Variants in PRKN observed in about 807,000 individuals in gnomAD.
PRKN encodes the protein E3 ubiquitin-protein ligase parkin.
In PRKN, 56 loss-of-function variants were observed where a neutral mutation model predicts 59.5. The observed-to-expected ratio is 0.94, with a 90% CI of 0.76 to 1.18. PRKN has a LOEUF of 1.18. Among genes scored for constraint, PRKN ranks in the 50% most tolerant of loss-of-function variants. PRKN has a pLI of 0.00. For synonymous variants in PRKN, 250 were observed against 222.1 expected, an observed-to-expected ratio of 1.13 and a Z score of -1.12; for missense variants, 657 against 596.4, an observed-to-expected ratio of 1.10 and a Z score of -1.06.
Position 162,235,958 on chromosome 6 carries a change from G to GAAAGAGA in PRKN, c.412+26566_412+26567insTCTCTTT, listed in dbSNP as rs1562602229. The stretch of plus-strand genomic sequence containing the variant: ...GGAAGGAAGGAAGGAAGGAAGAAAG[G>GAAAGAGA]AAGAAAGAAAGAAAGAAAGAAAGAA... On this transcript the variant is annotated intron_variant, in intron 3 of 11. Transcript: ENST00000366898. Among the ~76,000 whole-genome samples the GAAAGAGA allele has an allele frequency of 1.2e-4, 11 of 92,678 alleles. 1 individual carries two copies. Among genetic ancestry groups the GAAAGAGA allele is most frequent in the African/African-American group, 4.0e-4 (10 of 25,010 alleles). 60.8% of individuals were successfully genotyped at this position (92,678 alleles called of 152,430 possible).
intron 3 of PRKN, among the ~76,000 whole-genome samples, chr6:162,205,774 T>C (rs576418128): frequency 2.0e-5 from 3 of 152,210 alleles, no homozygotes; most frequent in Admixed American, 2.0e-4. Flanking sequence ...ACATAGCATA[T>C]GTAGCCATTA....
chr6:162,449,371 C>T (rs1458958283), intron 1 of PRKN, among the ~76,000 whole-genome samples: 2 of 152,280 alleles, frequency 1.3e-5, no homozygotes, highest in East Asian at 3.9e-4. Context: ...ATCTCATCTA[C>T]AGCAATCTAT....
intron 2 of PRKN, among the ~76,000 whole-genome samples, chr6:162,288,328 T>G (rs1338909487): frequency 6.6e-6 from 1 of 152,162 alleles, no homozygotes; most frequent in Admixed American, 6.5e-5. Context: ...TGTATCTGCC[T>G]TCTATGAGCA....
At chr6:162,547,547 T>A (rs879603437) in intron 1 of PRKN, among the ~76,000 whole-genome samples, 4 of 148,404 alleles carry the variant, frequency 2.7e-5, no homozygotes, top group African/African-American at 4.9e-5. Context: ...CCAGATAAAT[T>A]AAGCAGCGCT....
chr6:162,095,775 G>T (rs756781596), intron 4 of PRKN, among the ~76,000 whole-genome samples: 1 of 152,260 alleles, frequency 6.6e-6, no homozygotes, highest in Middle Eastern at 3.4e-3. Context: ...GAGGTGGACA[G>T]GTGTGTGTCT....
intron 3 of PRKN, among the ~76,000 whole-genome samples, chr6:162,221,721 C>T (rs955379518): frequency 2.6e-5 from 4 of 151,994 alleles, no homozygotes; most frequent in African/African-American, 4.8e-5. Context: ...CTAGTGGGCA[C>T]AAGAGAGGAG....
chr6:162,724,124 T>C (rs1357881932), intron 1 of PRKN, among the ~76,000 whole-genome samples: 1 of 152,208 alleles, frequency 6.6e-6, no homozygotes, highest in Non-Finnish European at 1.5e-5. Context: ...TAACATTCCA[T>C]TTTAAACACA....
chr6:161,715,069 A>T (rs554551292), intron 7 of PRKN, among the ~76,000 whole-genome samples: 2 of 152,342 alleles, frequency 1.3e-5, no homozygotes, highest in South Asian at 4.1e-4. Context: ...AGGCAGCTGC[A>T]TGCCAAAGAC....
At chr6:161,351,630 A>G (rs780872277) in intron 11 of PRKN, among the ~76,000 whole-genome samples, 13 of 152,126 alleles carry the variant, frequency 8.5e-5, no homozygotes, top group Non-Finnish European at 1.5e-4. Flanking sequence ...CAGCCAGCAT[A>G]TTATTTTTAA....
At chr6:161,906,749 A>T (rs528589761) in intron 6 of PRKN, among the ~76,000 whole-genome samples, 1 of 151,212 alleles carries the variant, frequency 6.6e-6, no homozygotes, top group South Asian at 2.1e-4. Flanking sequence ...AGTCCTAGTC[A>T]CAAAACCTCA....
chr6:162,628,045 C>T (rs2023009), intron 1 of PRKN, among the ~76,000 whole-genome samples: 93,142 of 151,906 alleles, frequency 0.61, 29,285 homozygotes, highest in African/African-American at 0.75. Context: ...GAAGAAAATA[C>T]ATAAGGACTA....
intron 6 of PRKN, among the ~76,000 whole-genome samples, chr6:161,883,026 C>T (rs1562362993): frequency 9.0e-6 from 1 of 111,474 alleles, no homozygotes; most frequent in Non-Finnish European, 1.7e-5. Flanking sequence ...AAAACAACAA[C>T]AACAACAAAA....
intron 1 of PRKN, among the ~76,000 whole-genome samples, chr6:162,578,641 A>G (rs1423915750): frequency 6.6e-6 from 1 of 152,196 alleles, no homozygotes; most frequent in Admixed American, 6.5e-5. Flanking sequence ...CTATTTGTTC[A>G]TCATTTAGAA....
intron 1 of PRKN, among the ~76,000 whole-genome samples, chr6:162,450,261 C>A (rs1266652359): frequency 2.0e-5 from 3 of 152,070 alleles, no homozygotes; most frequent in Non-Finnish European, 4.4e-5. Flanking sequence ...AATGTAAACG[C>A]CCCTATGACT....
intron 2 of PRKN, among the ~76,000 whole-genome samples, chr6:162,383,983 T>C (rs914877169): frequency 5.3e-5 from 8 of 152,230 alleles, no homozygotes; most frequent in African/African-American, 1.2e-4. Flanking sequence ...GCCTTCATGA[T>C]ATTAAAAAGA....
intron 7 of PRKN, among the ~76,000 whole-genome samples, chr6:161,669,388 A>G (rs571396499): frequency 3.3e-5 from 5 of 152,308 alleles, no homozygotes; most frequent in African/African-American, 1.2e-4. Context: ...ATTTGCACAC[A>G]GGGGTCAGCC....
chr6:161,714,855 C>T (rs1025533212), intron 7 of PRKN, among the ~76,000 whole-genome samples: 2 of 152,152 alleles, frequency 1.3e-5, no homozygotes, highest in Non-Finnish European at 2.9e-5. Flanking sequence ...CGCCACCCCA[C>T]AAAGACACAT....
intron 3 of PRKN, among the ~76,000 whole-genome samples, chr6:162,223,738 C>A (rs577737789): frequency 6.6e-6 from 1 of 151,478 alleles, no homozygotes; most frequent in African/African-American, 2.4e-5. Flanking sequence ...GTATCTCTTT[C>A]TTATGTCCTG....
intron 7 of PRKN, among the ~76,000 whole-genome samples, chr6:161,777,024 G>T (rs1275095363): frequency 3.3e-5 from 5 of 152,172 alleles, no homozygotes; most frequent in Admixed American, 3.3e-4. Context: ...TATTCACACA[G>T]TGATTAGGAA....
Sources: allele counts gnomAD v4.1 joint callset (sites outside exome capture counted in the v4.1 genomes callset), GRCh38; gene constraint gnomAD v4.1.1; transcripts MANE v1.5; gene names NCBI Gene and HGNC (gene_info 2026-07-23, HGNC 2026-07-21).